Variants in CFAP58 observed in about 807,000 individuals in gnomAD.
CFAP58 encodes the protein cilia- and flagella-associated protein 58.
CFAP58 carries 88 observed loss-of-function variants against 119.5 expected under a neutral mutation model. That is an observed-to-expected ratio of 0.74 (90% CI 0.62 to 0.88). CFAP58 has a LOEUF of 0.88. Ranked by LOEUF, CFAP58 falls within the 40% of genes least tolerant of loss-of-function variation. The probability of loss-of-function intolerance (pLI) is 0.00; values close to 1 mark genes in which losing one functional copy is unlikely to be tolerated. For missense variants in CFAP58, 990 were observed against 1,021.2 expected, an observed-to-expected ratio of 0.97 and a Z score of 0.42; for synonymous variants, 365 against 366.3, an observed-to-expected ratio of 1.00 and a Z score of 0.04.
intron 7 of CFAP58, 45 bp downstream of exon 7, chr10:104,371,099 T>A (rs1158651529): frequency 6.4e-7 from 1 of 1,550,404 alleles, no homozygotes; most frequent in South Asian, 1.2e-5. Flanking sequence ...ATTTTATTGG[T>A]GACTGATGTT....
intron 15 of CFAP58, among the ~76,000 whole-genome samples, chr10:104,433,943 G>T (rs2012891235): frequency 6.6e-6 from 1 of 152,134 alleles, no homozygotes; most frequent in Non-Finnish European, 1.5e-5. Flanking sequence ...CACTCCCTTG[G>T]CTGTCCCTCT....
At chr10:104,439,871 G>C (rs960167378) in intron 15 of CFAP58, among the ~76,000 whole-genome samples, 2 of 152,186 alleles carry the variant, frequency 1.3e-5, no homozygotes, top group Non-Finnish European at 2.9e-5. Context: ...CCAGGCTGGA[G>C]TGCAGTGGCG....
At chr10:104,443,949 A>G (rs1440770533) in intron 15 of CFAP58, among the ~76,000 whole-genome samples, 1 of 152,254 alleles carries the variant, frequency 6.6e-6, no homozygotes, top group African/African-American at 2.4e-5. Flanking sequence ...CTTCACAGCA[A>G]AAGAATTCAT....
chr10:104,448,587 G>T (rs1460468732), intron 16 of CFAP58, among the ~76,000 whole-genome samples: 3 of 152,152 alleles, frequency 2.0e-5, no homozygotes, highest in Non-Finnish European at 4.4e-5. Context: ...CCCAATGAGG[G>T]TAATAATCGT....
chr10:104,426,083 T>C (rs938715642), intron 15 of CFAP58, among the ~76,000 whole-genome samples: 2 of 151,932 alleles, frequency 1.3e-5, no homozygotes, highest in African/African-American at 4.8e-5. Flanking sequence ...AATACAAAAA[T>C]TGGCTGGATG....
chr10:104,368,602 C>T (rs2014782461), intron 6 of CFAP58, 42 bp downstream of exon 6: 1 of 1,608,256 alleles, frequency 6.2e-7, no homozygotes, highest in African/African-American at 1.3e-5. Flanking sequence ...CTCTTTCTTC[C>T]TAACACAGGT....
chr10:104,366,005 G>T lies in CFAP58; in HGVS notation c.789G>T (p.Gln263His), dbSNP rs1356848920. 2 of 1,598,458 alleles carry T rather than the reference G, an allele frequency of 1.3e-6. No homozygotes were observed. Among genetic ancestry groups the T allele is most frequent in the Admixed American group, 3.5e-5 (2 of 57,106 alleles). The change falls in exon 5 of 18, where the codon CAG (glutamine) becomes CAT (histidine). Residue 263 changes from glutamine (Q) to histidine (H), a missense_variant. Transcript: ENST00000369704. The stretch of plus-strand genomic sequence containing the variant: ...AGCTGGAGCAGCAGCTGAAGGAGCA[G>T]AAGGTGAGTTGGGTGTGGGTCTTCG... ...LQKLEQQLKE[Q>H]KILNERAAKE...
chr10:104,367,148 C>T (rs11817706), intron 5 of CFAP58, among the ~76,000 whole-genome samples: 4,649 of 152,134 alleles, frequency 0.031, 275 homozygotes, highest in African/African-American at 0.11. Flanking sequence ...CATGAGCCAC[C>T]GCACCCAGCC....
At chr10:104,405,668 C>T (rs1027662786) in intron 14 of CFAP58, among the ~76,000 whole-genome samples, 34 of 152,182 alleles carry the variant, frequency 2.2e-4, no homozygotes, top group Non-Finnish European at 7.3e-5. Flanking sequence ...GAGCTAAATG[C>T]CATGGTAGTG....
chr10:104,401,754 T>G (rs142834252), intron 13 of CFAP58, among the ~76,000 whole-genome samples: 8 of 147,402 alleles, frequency 5.4e-5, no homozygotes, highest in African/African-American at 2.0e-4. Flanking sequence ...AATCAATACT[T>G]TTTCTTTTTT....
At chr10:104,396,215 A>G (rs1589920908) in intron 11 of CFAP58, among the ~76,000 whole-genome samples, 1 of 152,024 alleles carries the variant, frequency 6.6e-6, no homozygotes. Context: ...ATCATCCTAC[A>G]TGTATCTGAT....
intron 15 of CFAP58, among the ~76,000 whole-genome samples, chr10:104,431,957 T>G (rs1247143144): frequency 1.3e-5 from 2 of 152,236 alleles, no homozygotes; most frequent in Non-Finnish European, 2.9e-5. Flanking sequence ...TAGCCATTTT[T>G]TTAAAGATGA....
In CFAP58 at chr10:104,353,834, G is replaced by C; in HGVS notation, c.-64G>C. The C allele has an allele frequency of 6.3e-7, 1 of 1,576,886 alleles. No homozygotes were observed. Reference sequence around the variant, plus strand: ...CGTCGCGCCTTTAGCTTCTTTCCCAGACTCCGGCCCAGCTCCTGCGATCTC... The same window carrying C: ...CGTCGCGCCTTTAGCTTCTTTCCCACACTCCGGCCCAGCTCCTGCGATCTC... On this transcript the variant is annotated 5_prime_UTR_variant, in exon 1 of 18. Coordinates refer to ENST00000369704, the MANE Select transcript of CFAP58 (RefSeq NM_001008723.2).
At chr10:104,415,968 G>A (rs903580178) in intron 15 of CFAP58, among the ~76,000 whole-genome samples, 2 of 152,314 alleles carry the variant, frequency 1.3e-5, no homozygotes, top group South Asian at 4.1e-4. Flanking sequence ...CCTATGCACA[G>A]GCAGCAGCGT....
rs981057165 is a variant in CFAP58 at position 104,361,946 on chromosome 10, A to G, written c.292-77A>G. ...TATATAACTACACTGTGGTCATGGT[A>G]TTATTCTGTTTGCTGGTTTATCTTG... On this transcript the variant is annotated intron_variant, in intron 2 of 17. Transcript: ENST00000369704. 46 of 1,375,262 alleles carry G rather than the reference A, an allele frequency of 3.3e-5. No individual in the cohort carries two copies. In the Middle Eastern group the frequency reaches 1.2e-3, roughly 35 times the overall value. The allele number at this position is 1,375,262 out of a possible 1,614,324, so 85.2% of individuals were successfully genotyped here.
chr10:104,394,191 T>C (rs1423695016), intron 11 of CFAP58, among the ~76,000 whole-genome samples: 2 of 152,252 alleles, frequency 1.3e-5, no homozygotes, highest in African/African-American at 2.4e-5. Context: ...TAACCAAATA[T>C]GTTTCACTAT....
intron 15 of CFAP58, among the ~76,000 whole-genome samples, chr10:104,438,342 TTTTTTG>T (rs1176314944): frequency 2.9e-5 from 2 of 67,830 alleles, no homozygotes; most frequent in African/African-American, 1.7e-4. Context: ...TTGTTTTTTG[TTTTTTG>T]TTTTTTTTTT....
Position 104,437,449 on chromosome 10 carries a change from C to T in CFAP58, c.2257-10249C>T, listed in dbSNP as rs375470904. On this transcript the variant is annotated intron_variant, in intron 15 of 17. Coordinates refer to ENST00000369704, the MANE Select transcript of CFAP58 (RefSeq NM_001008723.2). ...TATGACTAACCCCTGCCCATTCTGACATCATTGGTCCGTTTCAGTAGAATT... is the reference window on the plus strand; with the variant it reads ...TATGACTAACCCCTGCCCATTCTGATATCATTGGTCCGTTTCAGTAGAATT... 3.7e-4 allele frequency among the ~76,000 whole-genome samples: 56 copies of T among 152,340 alleles called. 1 individual carries two copies. Among genetic ancestry groups the T allele is most frequent in the African/African-American group, 1.3e-3 (54 of 41,568 alleles).
intron 15 of CFAP58, among the ~76,000 whole-genome samples, chr10:104,432,722 C>CT (rs1444995515): frequency 1.3e-5 from 2 of 152,196 alleles, no homozygotes; most frequent in African/African-American, 4.8e-5. Context: ...AGGATGGTCT[C>CT]TATCTCCTGA....
Sources: gnomAD v4.1 joint callset for allele counts (sites outside exome capture counted in the v4.1 genomes callset) on GRCh38, gnomAD v4.1.1 for gene constraint, MANE v1.5 for transcripts, NCBI Gene and HGNC (gene_info 2026-07-23, HGNC 2026-07-21) for gene names.